The following PTPRD variants were observed in gnomAD, a reference collection of about 807,000 sequenced individuals.
The protein encoded by PTPRD is protein tyrosine phosphatase receptor type D.
PTPRD carries 34 observed loss-of-function variants against 214.5 expected under a neutral mutation model. The observed-to-expected ratio is 0.16, with a 90% CI of 0.12 to 0.21. The LOEUF (loss-of-function observed/expected upper bound fraction) is 0.21. PTPRD is among the 10% of genes least tolerant of loss of function. PTPRD has a pLI of 1.00. For synonymous variants in PTPRD, 1,128 were observed against 845.7 expected, an observed-to-expected ratio of 1.33 and a Z score of -5.79; for missense variants, 2,545 against 2,398.7, an observed-to-expected ratio of 1.06 and a Z score of -1.27.
chr9:10,428,285 C>T (rs549553899), intron 2 of PTPRD, among the ~76,000 whole-genome samples: 11 of 151,930 alleles, frequency 7.2e-5, no homozygotes, highest in African/African-American at 1.4e-4. Context: ...TGCCACTGCA[C>T]GACAGAGCAA....
chr9:8,331,107 C>G lies in PTPRD; in HGVS notation c.5534+475G>C, dbSNP rs958109174. ...CATTTTCTGATATAGCAACAATTTT[C>G]AAGCAAATTGCATTTTTTAACTGAG... On this transcript the variant is annotated intron_variant, in intron 44 of 45. Transcript: ENST00000381196. 3.3e-5 allele frequency among the ~76,000 whole-genome samples: 5 copies of G among 149,716 alleles called. No individual in the cohort carries two copies. In the Admixed American group the frequency reaches 3.3e-4, roughly 10 times the overall value.
chr9:8,858,842 G>C (rs866005620), intron 11 of PTPRD, among the ~76,000 whole-genome samples: 1,227 of 98,322 alleles, frequency 0.012, 16 homozygotes, highest in Middle Eastern at 0.098. Context: ...CACACACACA[G>C]ACACACAGAC....
chr9:9,278,398 G>A (rs2133379254), intron 9 of PTPRD, among the ~76,000 whole-genome samples: 1 of 151,354 alleles, frequency 6.6e-6, no homozygotes, highest in African/African-American at 2.4e-5. Flanking sequence ...AAAATTTTAA[G>A]ATTTTTATAA....
chr9:9,772,506 A>C (rs1270691760), intron 5 of PTPRD, among the ~76,000 whole-genome samples: 1 of 152,094 alleles, frequency 6.6e-6, no homozygotes, highest in Admixed American at 6.6e-5. Flanking sequence ...ATATAATAGA[A>C]GCTCTCTTGA....
intron 11 of PTPRD, among the ~76,000 whole-genome samples, chr9:8,856,992 T>G (rs1303025199): frequency 1.3e-5 from 2 of 152,210 alleles, no homozygotes; most frequent in Non-Finnish European, 2.9e-5. Flanking sequence ...TTCTTACAAC[T>G]TTGACTCTTC....
At chr9:8,901,760 G>C (rs753980634) in intron 11 of PTPRD, among the ~76,000 whole-genome samples, 10 of 152,098 alleles carry the variant, frequency 6.6e-5, no homozygotes, top group Admixed American at 5.9e-4. Flanking sequence ...TTTCAGATGA[G>C]CATATTCTCT....
At chr9:9,733,247 T>G (rs2098231048) in intron 7 of PTPRD, among the ~76,000 whole-genome samples, 1 of 152,170 alleles carries the variant, frequency 6.6e-6, no homozygotes, top group Admixed American at 6.6e-5. Flanking sequence ...CAAAGTGTAT[T>G]CTTCTGGGAG....
At chr9:9,181,498 C>A (rs564244499) in intron 10 of PTPRD, among the ~76,000 whole-genome samples, 1 of 152,022 alleles carries the variant, frequency 6.6e-6, no homozygotes. Context: ...ACAATAATAA[C>A]ATCTACAAAC....
At chr9:8,800,326 T>C (rs1273572103) in intron 11 of PTPRD, among the ~76,000 whole-genome samples, 1 of 152,120 alleles carries the variant, frequency 6.6e-6, no homozygotes, top group Non-Finnish European at 1.5e-5. Context: ...CCATCTTGAA[T>C]AGGGGCTGGG....
intron 6 of PTPRD, among the ~76,000 whole-genome samples, chr9:9,744,750 G>C (rs1197665060): frequency 6.6e-6 from 1 of 151,868 alleles, no homozygotes; most frequent in African/African-American, 2.4e-5. Context: ...CTCCTAGCCT[G>C]GTATGCTTGA....
intron 3 of PTPRD, among the ~76,000 whole-genome samples, chr9:10,139,571 A>T (rs2098967916): frequency 6.6e-6 from 1 of 152,090 alleles, no homozygotes; most frequent in Non-Finnish European, 1.5e-5. Flanking sequence ...TGAATGGCAA[A>T]AGGTATTCTT....
intron 7 of PTPRD, among the ~76,000 whole-genome samples, chr9:9,655,382 C>T (rs1344260848): frequency 6.6e-6 from 1 of 151,866 alleles, no homozygotes; most frequent in Non-Finnish European, 1.5e-5. Context: ...CTATTCTGAC[C>T]AATATGGTGA....
intron 8 of PTPRD, among the ~76,000 whole-genome samples, chr9:9,426,094 T>A (rs1334109853): frequency 6.6e-6 from 1 of 152,000 alleles, no homozygotes; most frequent in Non-Finnish European, 1.5e-5. Context: ...GACTGTGAGC[T>A]GAAGCAGGGT....
rs866191451 is a variant in PTPRD, at chr9:10,094,153, G to C, written c.-544-60363C>G. Among the ~76,000 whole-genome samples the C allele has an allele frequency of 2.6e-5, 4 of 151,468 alleles. 1 individual carries two copies. The Middle Eastern group carries it at 0.01, about 386-fold the overall frequency. On this transcript the variant is annotated intron_variant, in intron 3 of 45. Transcript: ENST00000381196. ...AGCTTCCAGAATTGTAGGATTAGCTGACCGCTGTCTTGGTTTTAATATTTT... is the reference window on the plus strand; with the variant it reads ...AGCTTCCAGAATTGTAGGATTAGCTCACCGCTGTCTTGGTTTTAATATTTT...
At chr9:8,321,713 T>A (rs1828435043) in intron 44 of PTPRD, among the ~76,000 whole-genome samples, 2 of 151,674 alleles carry the variant, frequency 1.3e-5, no homozygotes, top group Admixed American at 1.3e-4. Flanking sequence ...TTTAGAAAAG[T>A]TTAAATTAGC....
At position 8,521,679 on chromosome 9, in the gene PTPRD, A is replaced by G. The variant is rs530816890; in HGVS notation, c.692-133T>C. ...TGGATTGTCCAAAAACAAAACATAA[A>G]GAAAAACTGTGGATAATACAGACCA... On this transcript the variant is annotated intron_variant, in intron 19 of 45. Transcript: ENST00000381196. The G allele has an allele frequency of 5.7e-5, 57 of 993,492 alleles. No homozygotes were observed. In the African/African-American group the frequency reaches 8.5e-4, roughly 15 times the overall value. The allele number at this position is 993,492 out of a possible 1,614,324, so 61.5% of individuals were successfully genotyped here.
chr9:9,692,347 A>C (rs566180162), intron 7 of PTPRD, among the ~76,000 whole-genome samples: 12 of 151,970 alleles, frequency 7.9e-5, no homozygotes, highest in Non-Finnish European at 1.6e-4. Context: ...CTGCATATGG[A>C]TATCCAGTAT....
At chr9:8,578,701 C>A (rs1452561512) in intron 14 of PTPRD, among the ~76,000 whole-genome samples, 1 of 152,116 alleles carries the variant, frequency 6.6e-6, no homozygotes, top group Admixed American at 6.6e-5. Flanking sequence ...CAGGACTGGG[C>A]TTAACATGTT....
chr9:10,533,493 G>A (rs912858168), intron 2 of PTPRD, among the ~76,000 whole-genome samples: 2 of 151,600 alleles, frequency 1.3e-5, no homozygotes, highest in Non-Finnish European at 2.9e-5. Flanking sequence ...AGTCTTTGCT[G>A]ATTTATTTCC....
Sources: allele counts gnomAD v4.1 joint callset (sites outside exome capture counted in the v4.1 genomes callset), GRCh38; gene constraint gnomAD v4.1.1; transcripts MANE v1.5; gene names NCBI Gene and HGNC (gene_info 2026-07-23, HGNC 2026-07-21).